RBMS3: variants seen among roughly 807,000 people sequenced by gnomAD.
RBMS3 encodes RNA binding motif single stranded interacting protein 3.
Under a neutral mutation model 66.8 loss-of-function variants are expected in RBMS3, and 27 were observed. The ratio of observed to expected loss-of-function variants is 0.40; its 90% CI spans 0.30 to 0.56. The LOEUF (loss-of-function observed/expected upper bound fraction) is 0.56. Ranked by LOEUF, RBMS3 falls within the 20% of genes least tolerant of loss-of-function variation. The pLI is 0.40. For missense variants in RBMS3, 513 were observed against 549.5 expected (o/e 0.93, Z 0.66); for synonymous variants, 188 against 183.0 (o/e 1.03, Z -0.22).
At chr3:29,509,888 C>A (rs2044330468) in intron 3 of RBMS3, among the ~76,000 whole-genome samples, 1 of 152,198 alleles carries the variant, frequency 6.6e-6, no homozygotes, top group African/African-American at 2.4e-5. Flanking sequence ...TTAGCACATG[C>A]TTTGCACGTG....
chr3:29,759,974 T>A (rs555994265), intron 5 of RBMS3, among the ~76,000 whole-genome samples: 12 of 151,736 alleles, frequency 7.9e-5, no homozygotes, highest in African/African-American at 2.9e-4. Context: ...GAGACGGGAG[T>A]CTCTAAAGGC....
intron 1 of RBMS3, among the ~76,000 whole-genome samples, chr3:29,397,657 C>T (rs1449365211): frequency 6.6e-6 from 1 of 152,106 alleles, no homozygotes; most frequent in Non-Finnish European, 1.5e-5. Context: ...TTCCTATTAT[C>T]CTCTTCTTCT....
At chr3:29,967,558 G>T (rs1282578566) in intron 12 of RBMS3, among the ~76,000 whole-genome samples, 1 of 152,180 alleles carries the variant, frequency 6.6e-6, no homozygotes, top group African/African-American at 2.4e-5. Context: ...GCCTCCCAAA[G>T]TGCTGGGATT....
At chr3:29,868,758 C>A in intron 6 of RBMS3, 100 bp from the exon 7 acceptor site, 1 of 1,042,048 alleles carries the variant, frequency 9.6e-7, no homozygotes, top group Non-Finnish European at 1.4e-6. Flanking sequence ...CAAGATGTTA[C>A]TTCAAAAGAT....
chr3:29,447,191 T>C (rs374957687), intron 2 of RBMS3, among the ~76,000 whole-genome samples: 28 of 152,162 alleles, frequency 1.8e-4, no homozygotes, highest in Non-Finnish European at 3.7e-4. Flanking sequence ...GGGATTACAG[T>C]TGTGAGCCGC....
intron 4 of RBMS3, among the ~76,000 whole-genome samples, chr3:29,636,561 A>G (rs1459209829): frequency 6.6e-6 from 1 of 151,910 alleles, no homozygotes; most frequent in Non-Finnish European, 1.5e-5. Context: ...CTTTTGGATT[A>G]TAGAATGCCC....
intron 2 of RBMS3, among the ~76,000 whole-genome samples, chr3:29,478,886 A>G (rs1559395622): frequency 1.3e-5 from 2 of 152,200 alleles, no homozygotes; most frequent in Non-Finnish European, 1.5e-5. Flanking sequence ...GCAGTGGTAA[A>G]TATGCAGCTA....
chr3:29,929,929 C>A (rs1003545216), intron 10 of RBMS3, among the ~76,000 whole-genome samples: 5 of 151,554 alleles, frequency 3.3e-5, no homozygotes, highest in Non-Finnish European at 7.4e-5. Flanking sequence ...AGTTAGCACT[C>A]AAAAATAATG....
At chr3:29,583,265 G>A (rs1364757451) in intron 3 of RBMS3, among the ~76,000 whole-genome samples, 1 of 152,060 alleles carries the variant, frequency 6.6e-6, no homozygotes, top group Non-Finnish European at 1.5e-5. Context: ...ACCATGTGGG[G>A]GTGGAAAGGA....
intron 4 of RBMS3, among the ~76,000 whole-genome samples, chr3:29,727,167 A>T (rs1171358922): frequency 1.3e-5 from 2 of 152,234 alleles, no homozygotes; most frequent in Non-Finnish European, 2.9e-5. Context: ...AGCCATATGC[A>T]GAAAACAGAA....
Position 29,360,487 on chromosome 3 carries a change from TA to T in RBMS3, c.76-74255del, listed in dbSNP as rs200620496. ...TCCAACTATGTGGTCAATTTTGCAATAGCTGTGGTGTCGTGCTGAGAAGAAT... is the reference window on the plus strand; with the variant it reads ...TCCAACTATGTGGTCAATTTTGCAATGCTGTGGTGTCGTGCTGAGAAGAAT... On this transcript the variant is annotated intron_variant, in intron 1 of 14. Coordinates refer to ENST00000383767, the MANE Select transcript of RBMS3 (RefSeq NM_001003793.3). 1.9e-4 allele frequency among the ~76,000 whole-genome samples: 29 copies of T among 152,172 alleles called. No homozygotes were observed. In the East Asian group the frequency reaches 5.6e-3, roughly 29 times the overall value.
At chr3:29,938,184 A>C (rs2149692532) in intron 11 of RBMS3, among the ~76,000 whole-genome samples, 1 of 152,134 alleles carries the variant, frequency 6.6e-6, no homozygotes, top group Middle Eastern at 3.4e-3. Flanking sequence ...CAGACTCAGA[A>C]TTAAAATAGT....
chr3:29,506,092 G>T (rs552067954), intron 3 of RBMS3, among the ~76,000 whole-genome samples: 1 of 151,490 alleles, frequency 6.6e-6, no homozygotes, highest in Non-Finnish European at 1.5e-5. Context: ...AATTGTTCTC[G>T]CTAGGGGACG....
At chr3:29,329,536 G>A (rs1015463325) in intron 1 of RBMS3, among the ~76,000 whole-genome samples, 9 of 152,032 alleles carry the variant, frequency 5.9e-5, no homozygotes, top group African/African-American at 1.7e-4. Context: ...TTAACTCGCA[G>A]AATATCATAT....
At chr3:29,558,542 T>TG (rs1380698428) in intron 3 of RBMS3, among the ~76,000 whole-genome samples, 1 of 152,208 alleles carries the variant, frequency 6.6e-6, no homozygotes, top group Non-Finnish European at 1.5e-5. Flanking sequence ...TAACACTAAA[T>TG]TTCAAAGAAT....
chr3:29,468,068 C>T (rs1312103956), intron 2 of RBMS3, among the ~76,000 whole-genome samples: 2 of 152,104 alleles, frequency 1.3e-5, no homozygotes, highest in Non-Finnish European at 2.9e-5. Context: ...CTTGGTTTCT[C>T]CCCATTACTG....
At chr3:29,865,489 T>C (rs1012137902) in intron 6 of RBMS3, among the ~76,000 whole-genome samples, 1 of 152,202 alleles carries the variant, frequency 6.6e-6, no homozygotes, top group Non-Finnish European at 1.5e-5. Context: ...CACTGGTCAA[T>C]GTGTTCTTAC....
At chr3:29,396,496 G>C (rs1443777872) in intron 1 of RBMS3, among the ~76,000 whole-genome samples, 1 of 152,048 alleles carries the variant, frequency 6.6e-6, no homozygotes, top group Admixed American at 6.6e-5. Flanking sequence ...ATTGATAACT[G>C]TACTATAGTC....
intron 2 of RBMS3, among the ~76,000 whole-genome samples, chr3:29,479,251 A>G (rs1037839569): frequency 1.3e-5 from 2 of 151,586 alleles, no homozygotes; most frequent in Admixed American, 6.6e-5. Flanking sequence ...GCTCTCTGTC[A>G]CATAGCAGGT....
Sources: allele counts gnomAD v4.1 joint callset (sites outside exome capture counted in the v4.1 genomes callset), GRCh38; gene constraint gnomAD v4.1.1; transcripts MANE v1.5; gene names NCBI Gene and HGNC (gene_info 2026-07-23, HGNC 2026-07-21).